The following CA12 variants were observed in gnomAD, a reference collection of about 807,000 sequenced individuals.
CA12 encodes carbonic anhydrase 12, also known as carbonate dehydratase XII.
A neutral mutation model predicts 46.8 loss-of-function variants in CA12; 36 were observed. The ratio of observed to expected loss-of-function variants is 0.77; its 90% CI spans 0.59 to 1.02. The LOEUF (loss-of-function observed/expected upper bound fraction) is 1.02, where lower values mean the gene tolerates loss of function less well. Ranked by LOEUF, CA12 falls within the 50% of genes least tolerant of loss-of-function variation. The pLI, the probability that CA12 is intolerant of heterozygous loss-of-function variation, is 0.00. For missense variants in CA12, 436 were observed against 451.4 expected (o/e 0.97, Z 0.31); for synonymous variants, 202 against 187.0 (o/e 1.08, Z -0.65).
In CA12 at chr15:63,342,114, G is replaced by C; in HGVS notation, c.430-17C>G. The C allele has an allele frequency of 6.4e-7, 1 of 1,555,242 alleles. No homozygotes were observed. Among genetic ancestry groups the C allele is most frequent in the Non-Finnish European group, 8.9e-7 (1 of 1,127,572 alleles). On this transcript the variant is annotated splice_polypyrimidine_tract_variant and intron_variant, in intron 4 of 10. Transcript: ENST00000178638. ...AATGTGCAGCTGCAGTGGGGGAGAA[G>C]CCACCCATTAGGAGATAAGCGACTC...
rs1321092473 is a variant in CA12, at chr15:63,346,518, C to A, written c.286+12G>T. On this transcript the variant is annotated intron_variant, in intron 3 of 10. Coordinates refer to ENST00000178638, the MANE Select transcript of CA12 (RefSeq NM_001218.5). ...AGACATACCCCTCAGGTCTCCAAGG[C>A]CTCTCCCTCACCTGAATGGCCATTG... The A allele has an allele frequency of 6.2e-7, 1 of 1,613,128 alleles. No homozygotes were observed. The highest frequency in any genetic ancestry group is 2.2e-5 in the East Asian group (1 of 44,826).
At chr15:63,334,461 T>C (rs2038974399) in intron 8 of CA12, among the ~76,000 whole-genome samples, 1 of 151,564 alleles carries the variant, frequency 6.6e-6, no homozygotes, top group African/African-American at 2.4e-5. Flanking sequence ...TTCACCATGT[T>C]GGCCAGGCTG....
intron 2 of CA12, among the ~76,000 whole-genome samples, chr15:63,371,673 T>G (rs1483095602): frequency 6.6e-6 from 1 of 152,186 alleles, no homozygotes; most frequent in Non-Finnish European, 1.5e-5. Context: ...ACAGGGGTTT[T>G]CATCTATTTC....
chr15:63,328,022 G>T lies in CA12; in HGVS notation c.907+76C>A, dbSNP rs1567040006. On this transcript the variant is annotated intron_variant, in intron 9 of 10. Coordinates refer to ENST00000178638, the MANE Select transcript of CA12 (RefSeq NM_001218.5). This position sits in a 1 kb window ranked among gnomAD's most constrained non-coding sequence, Gnocchi z 5.9. ...AGCAATAGTACAGAGAAGCAGAGAGGACGGGCTTGGATCACACCAAGAATC... is the reference window on the plus strand; with the variant it reads ...AGCAATAGTACAGAGAAGCAGAGAGTACGGGCTTGGATCACACCAAGAATC... 2 of 1,374,934 alleles carry T rather than the reference G, an allele frequency of 1.5e-6. No individual in the cohort carries two copies. Among genetic ancestry groups the T allele is most frequent in the Non-Finnish European group, 2.1e-6 (2 of 963,308 alleles). The allele number at this position is 1,374,934 out of a possible 1,614,324, so 85.2% of individuals were successfully genotyped here.
chr15:63,377,947 G>C (rs1040115125), intron 1 of CA12, among the ~76,000 whole-genome samples: 3 of 152,186 alleles, frequency 2.0e-5, no homozygotes, highest in African/African-American at 7.2e-5. Flanking sequence ...CCACTGGAAG[G>C]AGTCCCACCG....
chr15:63,375,583 G>A (rs888626813), intron 2 of CA12, 75 bp downstream of exon 2: 1 of 983,856 alleles, frequency 1.0e-6, no homozygotes, highest in Admixed American at 2.0e-5. Context: ...AGAGCATGAA[G>A]TTTCTGTTTT....
rs2038897811 is a variant in CA12 at position 63,328,525 on chromosome 15, A to G, written c.875-395T>C. ...TAATTTTTGGATTTTTAGTAGAGAC[A>G]GGGTTTCACCATCTTGGCCAGGCTG... is the stretch of plus-strand genomic sequence containing the variant. On this transcript the variant is annotated intron_variant, in intron 8 of 10. Coordinates refer to ENST00000178638, the MANE Select transcript of CA12 (RefSeq NM_001218.5). This position sits in a 1 kb window ranked among gnomAD's most constrained non-coding sequence, Gnocchi z 5.9. 6.6e-6 allele frequency among the ~76,000 whole-genome samples: 1 copy of G among 151,986 alleles called. No individual in the cohort carries two copies. Among genetic ancestry groups the G allele is most frequent in the Non-Finnish European group, 1.5e-5 (1 of 67,982 alleles).
chr15:63,376,613 GCT>G (rs1491019221), intron 1 of CA12, among the ~76,000 whole-genome samples: 6 of 14,656 alleles, frequency 4.1e-4, no homozygotes, highest in Admixed American at 3.2e-3. Context: ...TCTCTCTCTC[GCT>G]CTCTCTCTTT....
intron 2 of CA12, among the ~76,000 whole-genome samples, chr15:63,354,549 C>A (rs1343139252): frequency 6.6e-6 from 1 of 152,092 alleles, no homozygotes; most frequent in African/African-American, 2.4e-5. Context: ...CATAGCAAGA[C>A]CCCATCTCTA....
intron 1 of CA12, 30 bp downstream of exon 1, chr15:63,381,606 T>C: frequency 6.3e-7 from 1 of 1,584,150 alleles, no homozygotes. Flanking sequence ...CGCTCAGGAG[T>C]GTTAGGAAAG....
intron 2 of CA12, among the ~76,000 whole-genome samples, chr15:63,371,399 G>C (rs555201553): frequency 5.8e-4 from 89 of 152,248 alleles, no homozygotes; most frequent in African/African-American, 2.0e-3. Context: ...TGCCAGAGCC[G>C]AGGGCCACGA....
chr15:63,366,251 C>T (rs2039434444), intron 2 of CA12, among the ~76,000 whole-genome samples: 1 of 152,182 alleles, frequency 6.6e-6, no homozygotes, highest in African/African-American at 2.4e-5. Context: ...AGCCCCTTCC[C>T]TCATCACTGA....
chr15:63,322,012 G>C lies in CA12; in HGVS notation c.*4273C>G, dbSNP rs2152607085. 1 of 152,374 alleles carries C rather than the reference G, an allele frequency of 6.6e-6. No homozygotes were observed. The highest frequency in any genetic ancestry group is 2.4e-5 in the African/African-American group (1 of 41,578). The allele number at this position is 152,374 out of a possible 1,614,324, so 9.4% of individuals were successfully genotyped here. A position where few individuals can be genotyped will look rare whatever the true frequency, so the allele number is the denominator to read the frequency against. The stretch of plus-strand genomic sequence containing the variant: ...TAGGCAGAACCCTCAGTCTCTGAAA[G>C]TCGGGTTCGTCGTCCGGGTCTGCGC... On this transcript the variant is annotated 3_prime_UTR_variant, in exon 11 of 11. Transcript: ENST00000178638. This position sits in a 1 kb window ranked among gnomAD's most constrained non-coding sequence, Gnocchi z 4.1.
At chr15:63,350,711 G>A (rs2039218422) in intron 2 of CA12, among the ~76,000 whole-genome samples, 1 of 151,832 alleles carries the variant, frequency 6.6e-6, no homozygotes, top group South Asian at 2.1e-4. Flanking sequence ...TGAGGCCCAG[G>A]GTGTAGGACC....
intron 2 of CA12, among the ~76,000 whole-genome samples, chr15:63,365,428 C>T (rs922165801): frequency 1.3e-5 from 2 of 152,232 alleles, no homozygotes; most frequent in African/African-American, 2.4e-5. Flanking sequence ...CAAGTTCTGA[C>T]TCTGCTCCTC....
chr15:63,338,070 C>G (rs1174078866), intron 8 of CA12, among the ~76,000 whole-genome samples: 2 of 152,142 alleles, frequency 1.3e-5, no homozygotes, highest in Admixed American at 1.3e-4. Flanking sequence ...TCCCCTGATG[C>G]CCAGTTTCCA....
chr15:63,350,141 T>TCCTCC (rs1567047556), intron 2 of CA12, among the ~76,000 whole-genome samples: 1 of 152,114 alleles, frequency 6.6e-6, no homozygotes, highest in Non-Finnish European at 1.5e-5. Flanking sequence ...CTAGTGGGTG[T>TCCTCC]CCCCGCCTTG....
At chr15:63,347,162 C>T (rs2039161462) in intron 2 of CA12, among the ~76,000 whole-genome samples, 1 of 152,206 alleles carries the variant, frequency 6.6e-6, no homozygotes, top group Non-Finnish European at 1.5e-5. Context: ...TGCGGGGCCA[C>T]CCCAGGTGGG....
chr15:63,376,645 CTCTCTT>C (rs2032403282), intron 1 of CA12, among the ~76,000 whole-genome samples: 1 of 128,386 alleles, frequency 7.8e-6, no homozygotes, highest in Non-Finnish European at 1.7e-5. Flanking sequence ...CTTTTTCTTT[CTCTCTT>C]TCTCTTTCTT....
Sources: allele counts gnomAD v4.1 joint callset (sites outside exome capture counted in the v4.1 genomes callset), GRCh38; gene constraint gnomAD v4.1.1; non-coding constraint Gnocchi (gnomAD v3.1); transcripts MANE v1.5; gene names NCBI Gene and HGNC (gene_info 2026-07-23, HGNC 2026-07-21).